Variants in MITF observed in about 807,000 individuals in gnomAD.
MITF encodes the protein melanocyte inducing transcription factor, also known as microphthalmia-associated transcription factor.
Under a neutral mutation model 60.5 loss-of-function variants are expected in MITF, and 17 were observed. The observed-to-expected ratio is 0.28, with a 90% CI of 0.19 to 0.42. MITF has a LOEUF of 0.42. Among genes scored for constraint, MITF ranks in the 10% least tolerant of loss-of-function variants. The pLI is 1.00. For missense variants in MITF, 622 were observed against 683.5 expected, an observed-to-expected ratio of 0.91 and a Z score of 1.00; for synonymous variants, 260 against 248.5, an observed-to-expected ratio of 1.05 and a Z score of -0.43.
At chr3:69,891,990 T>C (rs2064770321) in intron 2 of MITF, among the ~76,000 whole-genome samples, 1 of 152,242 alleles carries the variant, frequency 6.6e-6, no homozygotes, top group African/African-American at 2.4e-5. Context: ...TGACTTGCTT[T>C]AGCACTGGGC....
chr3:69,763,983 C>G (rs1458600251), intron 1 of MITF: 3 of 1,300,386 alleles, frequency 2.3e-6, no homozygotes, highest in Non-Finnish European at 3.0e-6. Flanking sequence ...TTTACAGGTT[C>G]TTATATAGCA....
At chr3:69,887,897 A>C (rs147719445) in intron 2 of MITF, among the ~76,000 whole-genome samples, 100 of 152,126 alleles carry the variant, frequency 6.6e-4, no homozygotes, top group African/African-American at 2.3e-3. Context: ...CAACTTTTTG[A>C]GGAGCACAGT....
intron 5 of MITF, among the ~76,000 whole-genome samples, chr3:69,947,728 G>A (rs142638516): frequency 5.3e-5 from 8 of 152,126 alleles, no homozygotes; most frequent in East Asian, 3.9e-4. Flanking sequence ...AATTCTGTTC[G>A]AGCCAGTGTC....
chr3:69,881,830 AT>A (rs1428268630), intron 2 of MITF, among the ~76,000 whole-genome samples: 1 of 152,082 alleles, frequency 6.6e-6, no homozygotes, highest in Non-Finnish European at 1.5e-5. Context: ...TTGAATAAAT[AT>A]TTTCTCATAG....
chr3:69,782,322 A>G (rs2062578766), intron 1 of MITF, among the ~76,000 whole-genome samples: 1 of 152,226 alleles, frequency 6.6e-6, no homozygotes. Context: ...AGTGGATGCC[A>G]AGGCCAAATT....
Position 69,953,953 on chromosome 3 carries a change from A to G in MITF, c.955+2067A>G, listed in dbSNP as rs2066333087. Among the ~76,000 whole-genome samples, 3 of 152,084 alleles carry G rather than the reference A, an allele frequency of 2.0e-5. No individual in the cohort carries two copies. In the South Asian group the frequency reaches 6.2e-4, roughly 32 times the overall value. ...ATATGAATGTATATGTGCTTGGGAG[A>G]CAATCTAGACATCACCCTTATCAGT... On this transcript the variant is annotated intron_variant, in intron 7 of 9. Coordinates refer to ENST00000352241, the MANE Select transcript of MITF (RefSeq NM_001354604.2).
intron 1 of MITF, among the ~76,000 whole-genome samples, chr3:69,779,329 T>C (rs1191243594): frequency 6.6e-6 from 1 of 152,096 alleles, no homozygotes; most frequent in East Asian, 1.9e-4. Flanking sequence ...ACTACAAACA[T>C]ACACAAAAAT....
chr3:69,955,991 G>A (rs560062591), intron 7 of MITF, among the ~76,000 whole-genome samples: 50 of 152,132 alleles, frequency 3.3e-4, no homozygotes, highest in African/African-American at 1.0e-3. Context: ...TTTTCCCTCC[G>A]CTTAAGTAAA....
intron 1 of MITF, among the ~76,000 whole-genome samples, chr3:69,792,998 CTTTTTTTTTTTTTTTT>C (rs58440406): frequency 9.7e-5 from 3 of 31,076 alleles, no homozygotes; most frequent in African/African-American, 1.2e-4. Flanking sequence ...AAGTCTTTAG[CTTTTTTTTTTTTTTTT>C]TTTTTTTTTT....
chr3:69,902,598 T>G (rs113977130), intron 2 of MITF, among the ~76,000 whole-genome samples: 1,645 of 152,348 alleles, frequency 0.011, 13 homozygotes, highest in Non-Finnish European at 0.016. Flanking sequence ...TGGTATAGAA[T>G]AGAACCCTTT....
chr3:69,763,881 G>A (rs2062248661), intron 1 of MITF: 1 of 1,379,340 alleles, frequency 7.2e-7, no homozygotes, highest in South Asian at 1.2e-5. Flanking sequence ...TTTCCCACGA[G>A]CTATTTTCTC....
chr3:69,890,644 C>T (rs540411116), intron 2 of MITF, among the ~76,000 whole-genome samples: 13 of 152,060 alleles, frequency 8.5e-5, no homozygotes, highest in East Asian at 7.7e-4. Flanking sequence ...AGTTAACTTG[C>T]GGTATATTTT....
At chr3:69,909,060 C>T (rs1052771964) in intron 2 of MITF, among the ~76,000 whole-genome samples, 1 of 151,986 alleles carries the variant, frequency 6.6e-6, no homozygotes, top group Non-Finnish European at 1.5e-5. Context: ...GCTGTGTCCC[C>T]AACCAAATCT....
chr3:69,816,554 T>A, intron 1 of MITF, among the ~76,000 whole-genome samples: 1 of 152,360 alleles, frequency 6.6e-6, no homozygotes, highest in South Asian at 2.1e-4. Flanking sequence ...AAGTGTAATT[T>A]ACTCTAACAA....
intron 2 of MITF, among the ~76,000 whole-genome samples, chr3:69,931,538 GCTAGT>G: frequency 6.6e-6 from 1 of 152,182 alleles, no homozygotes. Flanking sequence ...TTTTGATAGG[GCTAGT>G]CTAGTCTATT....
intron 1 of MITF, among the ~76,000 whole-genome samples, chr3:69,873,021 A>G (rs1040740903): frequency 6.6e-6 from 1 of 150,884 alleles, no homozygotes; most frequent in African/African-American, 2.5e-5. Context: ...TATGCCAGAG[A>G]CCTGGAGTAT....
chr3:69,792,500 G>A (rs184187762), intron 1 of MITF, among the ~76,000 whole-genome samples: 2 of 151,782 alleles, frequency 1.3e-5, no homozygotes, highest in Admixed American at 1.3e-4. Flanking sequence ...ATAAAATGTG[G>A]TTAATTTCCC....
chr3:69,870,282 G>A (rs930355801), intron 1 of MITF, among the ~76,000 whole-genome samples: 15 of 142,084 alleles, frequency 1.1e-4, no homozygotes, highest in South Asian at 2.2e-4. Flanking sequence ...ACACACACAC[G>A]TGTGTGTGTT....
chr3:69,863,089 A>G (rs1441045591), intron 1 of MITF, among the ~76,000 whole-genome samples: 1 of 152,196 alleles, frequency 6.6e-6, no homozygotes, highest in African/African-American at 2.4e-5. Flanking sequence ...ACAGTTGCTT[A>G]CATATTACGT....
Sources: allele counts gnomAD v4.1 joint callset (sites outside exome capture counted in the v4.1 genomes callset), GRCh38; gene constraint gnomAD v4.1.1; transcripts MANE v1.5; gene names NCBI Gene and HGNC (gene_info 2026-07-23, HGNC 2026-07-21).